The following AFF3 variants were observed in gnomAD, a reference collection of about 807,000 sequenced individuals.
The protein encoded by AFF3 is ALF transcription elongation factor 3.
In AFF3, 32 loss-of-function variants were observed where a neutral mutation model predicts 129.7. The observed-to-expected ratio is 0.25, with a 90% CI of 0.19 to 0.33. The LOEUF is 0.33. Among genes scored for constraint, AFF3 ranks in the 10% least tolerant of loss-of-function variants. The probability of loss-of-function intolerance (pLI) is 1.00; values close to 1 mark genes in which losing one functional copy is unlikely to be tolerated. For missense variants in AFF3, 1,373 were observed against 1,592.0 expected (o/e 0.86, Z 2.34); for synonymous variants, 644 against 635.4 (o/e 1.01, Z -0.20).
At position 99,776,102 on chromosome 2, in the gene AFF3, G is replaced by C. The variant is rs140452662; in HGVS notation, c.922-23801C>G. Among the ~76,000 whole-genome samples, 37 of 152,314 alleles carry C rather than the reference G, an allele frequency of 2.4e-4. 1 individual carries two copies. The highest frequency in any genetic ancestry group is 1.7e-3 in the South Asian group (8 of 4,826). ...TATCTCTCAGGAGGAAACAAAGTGT[G>C]GGGAACTTTTAAAATACAACTCTCA... is the stretch of plus-strand genomic sequence containing the variant. On this transcript the variant is annotated intron_variant, in intron 8 of 24. Transcript: ENST00000672756.
At chr2:100,085,141 G>A (rs1411402485) in intron 4 of AFF3, among the ~76,000 whole-genome samples, 2 of 145,844 alleles carry the variant, frequency 1.4e-5, no homozygotes, top group African/African-American at 5.1e-5. Context: ...AATCAATTTG[G>A]AATTGAAGAA....
intron 17 of AFF3, among the ~76,000 whole-genome samples, chr2:99,579,417 A>AT (rs1424069741): frequency 9.4e-5 from 14 of 148,444 alleles, no homozygotes; most frequent in Middle Eastern, 3.5e-3. Context: ...AAAAAAAAAA[A>AT]AAATAAATAA....
chr2:99,825,650 G>T (rs549311897), intron 8 of AFF3, among the ~76,000 whole-genome samples: 1 of 152,152 alleles, frequency 6.6e-6, no homozygotes, highest in South Asian at 2.1e-4. Flanking sequence ...TCTTCAACTT[G>T]TAAAAATTCA....
intron 7 of AFF3, among the ~76,000 whole-genome samples, chr2:99,879,358 A>G (rs1025731117): frequency 5.3e-5 from 8 of 152,194 alleles, no homozygotes; most frequent in African/African-American, 1.7e-4. Flanking sequence ...AACAGGGACC[A>G]TGTTTGTATC....
rs1002224757 is a variant in AFF3 at position 99,547,959 on chromosome 2, T to C, written c.*3515A>G. On this transcript the variant is annotated 3_prime_UTR_variant, in exon 25 of 25. Coordinates refer to ENST00000672756, the MANE Select transcript of AFF3 (RefSeq NM_001386135.1). ...CTCTTCAGATTATTTTTCCAGTACA[T>C]TCCTCATTAGATTGTGGGTTTCAAG... 4.7e-6 allele frequency: 1 copy of C among 210,884 alleles called. No homozygotes were observed. The highest frequency in any genetic ancestry group is 2.3e-5 in the African/African-American group (1 of 44,104). 13.1% of individuals were successfully genotyped at this position (210,884 alleles called of 1,614,324 possible).
intron 11 of AFF3, among the ~76,000 whole-genome samples, chr2:99,718,813 C>T (rs1364688755): frequency 4.6e-5 from 7 of 151,218 alleles, no homozygotes; most frequent in Admixed American, 2.6e-4. Context: ...TGCAGTGGCA[C>T]GATCTCAGCC....
At chr2:100,141,915 A>C (rs1347043887) in intron 1 of AFF3, among the ~76,000 whole-genome samples, 1 of 152,100 alleles carries the variant, frequency 6.6e-6, no homozygotes, top group Non-Finnish European at 1.5e-5. Context: ...TCCAAGAAAT[A>C]CAAATATAGT....
At chr2:99,614,752 C>T (rs747233132) in intron 13 of AFF3, among the ~76,000 whole-genome samples, 1 of 152,202 alleles carries the variant, frequency 6.6e-6, no homozygotes, top group African/African-American at 2.4e-5. Context: ...GTTCAGGGTT[C>T]AGCCCTGCTT....
rs114408800 is a variant in AFF3, at chr2:99,678,318, G to C, written c.1092-5729C>G. ...GAGCAAGTGATAAATTTATGTTGTA[G>C]CTGGCGCCTGCATTTTTGAGGCCTA... On this transcript the variant is annotated intron_variant, in intron 11 of 24. Coordinates refer to ENST00000672756, the MANE Select transcript of AFF3 (RefSeq NM_001386135.1). 5.1e-3 allele frequency among the ~76,000 whole-genome samples: 774 copies of C among 152,280 alleles called. 6 individuals are homozygous for C. The highest frequency in any genetic ancestry group is 0.017 in the African/African-American group (709 of 41,540).
intron 4 of AFF3, among the ~76,000 whole-genome samples, chr2:100,050,866 C>T (rs1686265796): frequency 6.6e-6 from 1 of 152,208 alleles, no homozygotes; most frequent in South Asian, 2.1e-4. Flanking sequence ...TCTGGGGATG[C>T]TGCTATTGAC....
intron 22 of AFF3, among the ~76,000 whole-genome samples, chr2:99,556,066 T>C (rs911402260): frequency 6.6e-6 from 1 of 152,172 alleles, no homozygotes; most frequent in African/African-American, 2.4e-5. Context: ...GAACGTGATC[T>C]ATAGAATGCA....
chr2:99,844,562 T>G (rs1451662697), intron 7 of AFF3, among the ~76,000 whole-genome samples: 1 of 147,802 alleles, frequency 6.8e-6, no homozygotes, highest in Non-Finnish European at 1.5e-5. Context: ...CTCAGCCTCC[T>G]GAGCAGTTGG....
intron 20 of AFF3, among the ~76,000 whole-genome samples, chr2:99,564,176 C>T (rs1023296501): frequency 6.6e-6 from 1 of 152,124 alleles, no homozygotes; most frequent in African/African-American, 2.4e-5. Context: ...AGAAAATATT[C>T]GAAGGGCTGA....
chr2:100,050,075 G>A (rs1318303106), intron 4 of AFF3, among the ~76,000 whole-genome samples: 1 of 151,852 alleles, frequency 6.6e-6, no homozygotes, highest in Non-Finnish European at 1.5e-5. Context: ...AGCCAGGCAT[G>A]GTGGCATGCG....
chr2:99,557,764 G>C (rs1290078532), intron 22 of AFF3, among the ~76,000 whole-genome samples: 1 of 152,120 alleles, frequency 6.6e-6, no homozygotes, highest in Non-Finnish European at 1.5e-5. Flanking sequence ...TGCACAATTG[G>C]AAGGCAGTGT....
At chr2:100,049,453 G>A (rs1686107318) in intron 4 of AFF3, among the ~76,000 whole-genome samples, 1 of 152,188 alleles carries the variant, frequency 6.6e-6, no homozygotes, top group Admixed American at 6.5e-5. Flanking sequence ...TAAACATAAT[G>A]TGTGATCTCT....
At chr2:99,697,949 T>C (rs1421612789) in intron 11 of AFF3, among the ~76,000 whole-genome samples, 1 of 152,230 alleles carries the variant, frequency 6.6e-6, no homozygotes, top group African/African-American at 2.4e-5. Flanking sequence ...CACACCTGCA[T>C]CATAAGGTCT....
rs192070692 is a variant in AFF3, at chr2:99,832,642, A to T, written c.921+4835T>A. ...TCACAGATATAAAATGAGATATAAA[A>T]GTGTGGTATTTCTGTCCCTAACCGT... On this transcript the variant is annotated intron_variant, in intron 8 of 24. Transcript: ENST00000672756. Among the ~76,000 whole-genome samples, 26 of 152,380 alleles carry T rather than the reference A, an allele frequency of 1.7e-4. No homozygotes were observed. In the East Asian group the frequency reaches 4.4e-3, roughly 26 times the overall value.
chr2:99,967,628 G>A (rs1677916025), intron 7 of AFF3, among the ~76,000 whole-genome samples: 1 of 152,152 alleles, frequency 6.6e-6, no homozygotes, highest in African/African-American at 2.4e-5. Flanking sequence ...ACAACAAGTA[G>A]AGCCCTTTGT....
Sources: allele counts gnomAD v4.1 joint callset (sites outside exome capture counted in the v4.1 genomes callset), GRCh38; gene constraint gnomAD v4.1.1; transcripts MANE v1.5; gene names NCBI Gene and HGNC (gene_info 2026-07-23, HGNC 2026-07-21).